FAM241A: variants seen among roughly 807,000 people sequenced by gnomAD.
FAM241A encodes the protein family with sequence similarity 241 member A.
FAM241A carries 7 observed loss-of-function variants against 12.2 expected under a neutral mutation model. That is an observed-to-expected ratio of 0.58 (90% CI 0.33 to 1.08). The LOEUF is 1.08. Among genes scored for constraint, FAM241A ranks in the 50% least tolerant of loss-of-function variants. The probability of loss-of-function intolerance (pLI) is 0.04; values close to 1 mark genes in which losing one functional copy is unlikely to be tolerated. For synonymous variants in FAM241A, 74 were observed against 68.2 expected (o/e 1.08, Z -0.42); for missense variants, 161 against 169.7 (o/e 0.95, Z 0.29).
chr4:112,176,429 T>C (rs75083788), intron 1 of FAM241A, among the ~76,000 whole-genome samples: 1,537 of 152,342 alleles, frequency 0.01, 30 homozygotes, highest in African/African-American at 0.035. Flanking sequence ...GTGAAGAAAC[T>C]GAGAGTCAGT....
Position 112,176,082 on chromosome 4 carries a change from G to A in FAM241A, c.154-10611G>A, listed in dbSNP as rs192801564. Among the ~76,000 whole-genome samples the A allele has an allele frequency of 5.3e-5, 8 of 152,330 alleles. No individual in the cohort carries two copies. In the East Asian group the frequency reaches 1.5e-3, roughly 29 times the overall value. On this transcript the variant is annotated intron_variant, in intron 1 of 1. Coordinates refer to ENST00000309733, the MANE Select transcript of FAM241A (RefSeq NM_152400.3). Reference sequence around the variant, plus strand: ...GTAGCTTGTGCCCTTTCCAAAGTGAGTAAACAGGTTCTACCAATATTAACG... The same window carrying A: ...GTAGCTTGTGCCCTTTCCAAAGTGAATAAACAGGTTCTACCAATATTAACG...
chr4:112,155,435 G>A (rs1326861376), intron 1 of FAM241A, among the ~76,000 whole-genome samples: 1 of 151,786 alleles, frequency 6.6e-6, no homozygotes, highest in Non-Finnish European at 1.5e-5. Context: ...CTTTTATTGG[G>A]TCTATGTAGT....
chr4:112,166,545 G>GA (rs1363328011), intron 1 of FAM241A, among the ~76,000 whole-genome samples: 6 of 151,986 alleles, frequency 3.9e-5, no homozygotes, highest in Non-Finnish European at 7.4e-5. Flanking sequence ...CATGTTTTCT[G>GA]AAAAAGAAAT....
At chr4:112,163,001 A>G (rs937853993) in intron 1 of FAM241A, among the ~76,000 whole-genome samples, 5 of 152,190 alleles carry the variant, frequency 3.3e-5, no homozygotes, top group African/African-American at 9.7e-5. Context: ...CAGAAATAAT[A>G]CCACACATCT....
At chr4:112,183,703 T>A (rs564646190) in intron 1 of FAM241A, among the ~76,000 whole-genome samples, 59 of 148,310 alleles carry the variant, frequency 4.0e-4, no homozygotes, top group Non-Finnish European at 6.7e-4. Context: ...AAAAAAAAAA[T>A]TTTTTTAAGA....
chr4:112,156,806 G>A (rs1723362442), intron 1 of FAM241A, among the ~76,000 whole-genome samples: 1 of 152,192 alleles, frequency 6.6e-6, no homozygotes, highest in African/African-American at 2.4e-5. Context: ...TGAAACATCT[G>A]TAAAATTGTA....
chr4:112,153,388 A>G (rs1389317976), intron 1 of FAM241A, among the ~76,000 whole-genome samples: 3 of 152,254 alleles, frequency 2.0e-5, no homozygotes, highest in South Asian at 4.2e-4. Context: ...CTGTGTCTCT[A>G]TTCATGTGTT....
Position 112,187,213 on chromosome 4 carries a change from A to G in FAM241A, c.*275A>G, listed in dbSNP as rs1417233595. On this transcript the variant is annotated 3_prime_UTR_variant, in exon 2 of 2. Coordinates refer to ENST00000309733, the MANE Select transcript of FAM241A (RefSeq NM_152400.3). The stretch of plus-strand genomic sequence containing the variant: ...TTATACACCTCTATCCCCATGCCAA[A>G]TCTTAAGTAACACCACCAGAAAGTG... The G allele has an allele frequency of 1.1e-4, 34 of 297,572 alleles. No homozygotes were observed. The highest frequency in any genetic ancestry group is 1.9e-4 in the Non-Finnish European group (31 of 162,148). 18.4% of individuals were successfully genotyped at this position (297,572 alleles called of 1,614,324 possible).
At chr4:112,176,337 A>T (rs1001186107) in intron 1 of FAM241A, among the ~76,000 whole-genome samples, 1 of 152,240 alleles carries the variant, frequency 6.6e-6, no homozygotes, top group African/African-American at 2.4e-5. Flanking sequence ...ATTACCATAT[A>T]TTGAGTGCTT....
rs529893512 is a variant in FAM241A, at chr4:112,191,295, C to T, written c.*4357C>T. 3 of 152,164 alleles carry T rather than the reference C, an allele frequency of 2.0e-5. No homozygotes were observed. The highest frequency in any genetic ancestry group is 4.4e-5 in the Non-Finnish European group (3 of 68,022). 9.4% of individuals were successfully genotyped at this position (152,164 alleles called of 1,614,324 possible). A position where few individuals can be genotyped will look rare whatever the true frequency, so the allele number is the denominator to read the frequency against. On this transcript the variant is annotated 3_prime_UTR_variant, in exon 2 of 2. Coordinates refer to ENST00000309733, the MANE Select transcript of FAM241A (RefSeq NM_152400.3). The stretch of plus-strand genomic sequence containing the variant: ...CCTAGCATCACTGAGTCCATTCTGC[C>T]ATCATCTCACCTGGCATGCTGAGAA...
chr4:112,176,968 CT>C (rs1367489475), intron 1 of FAM241A, among the ~76,000 whole-genome samples: 2 of 152,148 alleles, frequency 1.3e-5, no homozygotes, highest in Admixed American at 1.3e-4. Flanking sequence ...TATGTGAAGT[CT>C]TATGGGTTTG....
chr4:112,171,135 GAA>G (rs888770595), intron 1 of FAM241A: 2 of 422,412 alleles, frequency 4.7e-6, no homozygotes, highest in Admixed American at 3.2e-5. Flanking sequence ...TATTGTACAG[GAA>G]AAAAAATGCA....
rs1723783023 is a variant in FAM241A at position 112,174,539 on chromosome 4, G to A, written c.154-12154G>A. 2.0e-5 allele frequency among the ~76,000 whole-genome samples: 3 copies of A among 152,182 alleles called. No individual in the cohort carries two copies. The South Asian group carries it at 6.2e-4, about 31-fold the overall frequency. On this transcript the variant is annotated intron_variant, in intron 1 of 1. Coordinates refer to ENST00000309733, the MANE Select transcript of FAM241A (RefSeq NM_152400.3). ...TGAAAGCAATACAGATCTTGGTGAAGAGCAATTAATAGGAGGCTGATAGCT... is the reference window on the plus strand; with the variant it reads ...TGAAAGCAATACAGATCTTGGTGAAAAGCAATTAATAGGAGGCTGATAGCT...
intron 1 of FAM241A, among the ~76,000 whole-genome samples, chr4:112,172,736 G>GA (rs1249099728): frequency 6.6e-6 from 1 of 152,140 alleles, no homozygotes; most frequent in African/African-American, 2.4e-5. Flanking sequence ...ATAGGTACCA[G>GA]AAAAAATGTT....
rs1724052172 is a variant in FAM241A at position 112,186,800 on chromosome 4, C to T, written c.261C>T (p.Phe87=). 2 of 1,613,732 alleles carry T rather than the reference C, an allele frequency of 1.2e-6. No homozygotes were observed. The change falls in exon 2 of 2, where the codon TTC becomes TTT. Residue 87 remains phenylalanine, a synonymous_variant. Coordinates refer to ENST00000309733, the MANE Select transcript of FAM241A (RefSeq NM_152400.3). ...ELNKNLINMG[F]TRMYFGERIV... is the part of the protein sequence containing the mutation. Reference sequence around the variant, plus strand: ...ACAAAAACCTTATCAACATGGGCTTCACAAGGATGTATTTTGGAGAACGAA... The same window carrying T: ...ACAAAAACCTTATCAACATGGGCTTTACAAGGATGTATTTTGGAGAACGAA...
intron 1 of FAM241A, among the ~76,000 whole-genome samples, chr4:112,146,475 A>T (rs1368640956): frequency 6.6e-6 from 1 of 152,242 alleles, no homozygotes; most frequent in Non-Finnish European, 1.5e-5. Flanking sequence ...TATCTTAAAG[A>T]TTAGGCAAAA....
Position 112,184,330 on chromosome 4 carries a change from G to A in FAM241A, c.154-2363G>A, listed in dbSNP as rs186942487. Among the ~76,000 whole-genome samples the A allele has an allele frequency of 2.0e-5, 3 of 152,312 alleles. No homozygotes were observed. In the East Asian group the frequency reaches 5.8e-4, roughly 29 times the overall value. On this transcript the variant is annotated intron_variant, in intron 1 of 1. Transcript: ENST00000309733. ...GGATCACCTGAGGCCAGGAGTTCAA[G>A]ACCAGTCTGACCAACATGGTGAAAC...
At chr4:112,178,788 A>C (rs774797919) in intron 1 of FAM241A, among the ~76,000 whole-genome samples, 5 of 152,168 alleles carry the variant, frequency 3.3e-5, no homozygotes, top group Non-Finnish European at 2.9e-5. Context: ...TAAATCAACA[A>C]GCAAAAAACA....
intron 1 of FAM241A, among the ~76,000 whole-genome samples, chr4:112,177,970 T>C (rs1723856425): frequency 6.6e-6 from 1 of 152,188 alleles, no homozygotes; most frequent in Non-Finnish European, 1.5e-5. Flanking sequence ...TATGTTATTG[T>C]AGAATATTTC....
Sources: gnomAD v4.1 joint callset for allele counts (sites outside exome capture counted in the v4.1 genomes callset) on GRCh38, gnomAD v4.1.1 for gene constraint, MANE v1.5 for transcripts, NCBI Gene and HGNC (gene_info 2026-07-23, HGNC 2026-07-21) for gene names.